CTNNA2: variants seen among roughly 807,000 people sequenced by gnomAD.
CTNNA2 encodes catenin alpha-2.
A neutral mutation model predicts 101.0 loss-of-function variants in CTNNA2; 42 were observed. The observed-to-expected ratio is 0.42, with a 90% CI of 0.32 to 0.54. The LOEUF is 0.54. Among genes scored for constraint, CTNNA2 ranks in the 20% least tolerant of loss-of-function variants. The pLI is 0.14. For synonymous variants in CTNNA2, 450 were observed against 456.4 expected, an observed-to-expected ratio of 0.99 and a Z score of 0.18; for missense variants, 871 against 1,223.1, an observed-to-expected ratio of 0.71 and a Z score of 4.29.
At chr2:79,583,601 G>A (rs903499381) in intron 1 of CTNNA2, among the ~76,000 whole-genome samples, 1 of 152,054 alleles carries the variant, frequency 6.6e-6, no homozygotes, top group South Asian at 2.1e-4. Context: ...CAAAACCACC[G>A]AACTGTTTTC....
chr2:80,428,411 A>G (rs756451080), intron 9 of CTNNA2, among the ~76,000 whole-genome samples: 1 of 152,236 alleles, frequency 6.6e-6, no homozygotes, highest in Non-Finnish European at 1.5e-5. Context: ...GCAAGTGATT[A>G]GTACTATGAC....
At chr2:79,888,131 C>T (rs2104183458) in intron 6 of CTNNA2, among the ~76,000 whole-genome samples, 1 of 152,264 alleles carries the variant, frequency 6.6e-6, no homozygotes, top group East Asian at 1.9e-4. Flanking sequence ...AATGCAAGTC[C>T]AGCTAATTCT....
chr2:80,444,479 A>C (rs142898797), intron 9 of CTNNA2, among the ~76,000 whole-genome samples: 196 of 152,260 alleles, frequency 1.3e-3, no homozygotes, highest in African/African-American at 4.5e-3. Context: ...TATCAGCACC[A>C]TTGACATTTT....
rs961949499 is a variant in CTNNA2 at position 79,206,896 on chromosome 2, T to G, written c.-406+8820T>G. Among the ~76,000 whole-genome samples, 3 of 152,330 alleles carry G rather than the reference T, an allele frequency of 2.0e-5. No homozygotes were observed. In the East Asian group the frequency reaches 5.8e-4, roughly 29 times the overall value. ...TACTCCTGAAGGCCACTCTAATCCCTGCATCTTTCAGCTACTTGATCAGTT... is the reference window on the plus strand; with the variant it reads ...TACTCCTGAAGGCCACTCTAATCCCGGCATCTTTCAGCTACTTGATCAGTT... On this transcript the variant is annotated intron_variant, in intron 2 of 21. Coordinates refer to the CTNNA2 transcript ENST00000466387.
intron 7 of CTNNA2, among the ~76,000 whole-genome samples, chr2:80,268,436 C>A (rs1278401027): frequency 1.3e-5 from 2 of 152,162 alleles, no homozygotes; most frequent in Admixed American, 6.5e-5. Context: ...TGCCCAAGTT[C>A]ACAGACCATA....
intron 1 of CTNNA2, among the ~76,000 whole-genome samples, chr2:79,559,928 C>T (rs995202747): frequency 5.3e-5 from 8 of 150,314 alleles, no homozygotes; most frequent in South Asian, 4.2e-4. Context: ...GAAAAACACC[C>T]GATTTACAGA....
intron 7 of CTNNA2, among the ~76,000 whole-genome samples, chr2:80,386,885 T>A (rs1677057642): frequency 6.6e-6 from 1 of 150,830 alleles, no homozygotes; most frequent in Non-Finnish European, 1.5e-5. Context: ...TATAGTACCC[T>A]GAAACATGGT....
At chr2:79,690,147 TA>T (rs942132168) in intron 2 of CTNNA2, among the ~76,000 whole-genome samples, 2 of 152,008 alleles carry the variant, frequency 1.3e-5, no homozygotes, top group Non-Finnish European at 2.9e-5. Context: ...TATTTCATAT[TA>T]AAATATCTAA....
chr2:80,083,419 TG>T (rs1699262841), intron 7 of CTNNA2, among the ~76,000 whole-genome samples: 1 of 152,114 alleles, frequency 6.6e-6, no homozygotes, highest in Non-Finnish European at 1.5e-5. Flanking sequence ...TTCAAGACTC[TG>T]GGTCACAGAA....
At chr2:80,163,075 T>G (rs1308136003) in intron 7 of CTNNA2, 7 of 1,574,450 alleles carry the variant, frequency 4.4e-6, no homozygotes, top group Non-Finnish European at 5.2e-6. Context: ...ACTTCATGTT[T>G]GAAATTCACA....
At position 79,358,556 on chromosome 2, in the gene CTNNA2, A is replaced by C. The variant is rs1237675726; in HGVS notation, c.-317-15275A>C. Among the ~76,000 whole-genome samples the C allele has an allele frequency of 6.6e-5, 10 of 152,196 alleles. No homozygotes were observed. The East Asian group carries it at 1.9e-3, about 29-fold the overall frequency. ...TTTATCTGTAAAGAAACAAGCATTT[A>C]GTTGGAAATTTTCTCTTAAAACAGC... On this transcript the variant is annotated intron_variant, in intron 3 of 21. Coordinates refer to the CTNNA2 transcript ENST00000466387.
At chr2:79,602,750 A>G (rs1677628208) in intron 1 of CTNNA2, among the ~76,000 whole-genome samples, 1 of 152,186 alleles carries the variant, frequency 6.6e-6, no homozygotes, top group African/African-American at 2.4e-5. Context: ...TAGAGCTAGC[A>G]AAAGTTTCAT....
chr2:79,815,085 T>C (rs1677379843), intron 3 of CTNNA2, among the ~76,000 whole-genome samples: 1 of 152,168 alleles, frequency 6.6e-6, no homozygotes, highest in African/African-American at 2.4e-5. Flanking sequence ...TTTGGAGAGT[T>C]GTCTATTCAT....
chr2:79,588,940 A>G (rs1573416774), intron 1 of CTNNA2, among the ~76,000 whole-genome samples: 1 of 152,188 alleles, frequency 6.6e-6, no homozygotes, highest in African/African-American at 2.4e-5. Context: ...ATAAATTGAG[A>G]CTATTAACAG....
chr2:79,690,601 G>T (rs574199848), intron 2 of CTNNA2, among the ~76,000 whole-genome samples: 19 of 152,014 alleles, frequency 1.2e-4, no homozygotes, highest in African/African-American at 4.3e-4. Flanking sequence ...ATAAGCATAC[G>T]TGTGCATGTG....
chr2:80,626,331 C>A, intron 18 of CTNNA2, among the ~76,000 whole-genome samples: 1 of 152,042 alleles, frequency 6.6e-6, no homozygotes, highest in East Asian at 1.9e-4. Context: ...TCAAGTTCAT[C>A]TTTTGGTCTA....
At chr2:79,494,650 A>C (rs2104567657) in intron 4 of CTNNA2, among the ~76,000 whole-genome samples, 1 of 152,306 alleles carries the variant, frequency 6.6e-6, no homozygotes, top group South Asian at 2.1e-4. Flanking sequence ...TACAAAAATT[A>C]AGTCAAAATG....
chr2:79,397,558 C>A (rs935133129), intron 4 of CTNNA2, among the ~76,000 whole-genome samples: 4 of 152,128 alleles, frequency 2.6e-5, no homozygotes, highest in Admixed American at 2.6e-4. Flanking sequence ...AAGATTCATT[C>A]TTTATACGTT....
chr2:79,728,277 G>T (rs574794054), intron 2 of CTNNA2, among the ~76,000 whole-genome samples: 7 of 152,236 alleles, frequency 4.6e-5, no homozygotes, highest in African/African-American at 1.7e-4. Flanking sequence ...ATTCTAACTG[G>T]TGTGAGATGG....
Sources: gnomAD v4.1 joint callset for allele counts (sites outside exome capture counted in the v4.1 genomes callset) on GRCh38, gnomAD v4.1.1 for gene constraint, MANE v1.5 for transcripts, NCBI Gene and HGNC (gene_info 2026-07-23, HGNC 2026-07-21) for gene names.